The following DNER variants were observed in gnomAD, a reference collection of about 807,000 sequenced individuals.
DNER encodes delta/notch like EGF repeat containing.
A neutral mutation model predicts 78.2 loss-of-function variants in DNER; 33 were observed. That is an observed-to-expected ratio of 0.42 (90% confidence interval 0.32 to 0.56). The LOEUF (loss-of-function observed/expected upper bound fraction) is 0.56, where lower values mean the gene tolerates loss of function less well. Ranked by LOEUF, DNER falls within the 20% of genes least tolerant of loss-of-function variation. The pLI is 0.11. For synonymous variants in DNER, 417 were observed against 384.8 expected (o/e 1.08, Z -0.98); for missense variants, 918 against 975.3 (o/e 0.94, Z 0.78).
chr2:229,379,250 A>G (rs1445773911), intron 11 of DNER, among the ~76,000 whole-genome samples: 7 of 152,322 alleles, frequency 4.6e-5, no homozygotes, highest in Middle Eastern at 3.4e-3. Context: ...CAGAAAAAAT[A>G]AAAGAAAGAT....
At chr2:229,535,318 T>C (rs1211626585) in intron 5 of DNER, among the ~76,000 whole-genome samples, 2 of 152,126 alleles carry the variant, frequency 1.3e-5, no homozygotes, top group South Asian at 4.1e-4. Flanking sequence ...CGACTAACAG[T>C]ACCCAGTAGA....
In DNER at chr2:229,702,982, GA is replaced by G. The variant is rs1181660107; in HGVS notation, c.276+11165del. Among the ~76,000 whole-genome samples the G allele has an allele frequency of 6.6e-5, 10 of 151,774 alleles. No individual in the cohort carries two copies. The East Asian group carries it at 1.7e-3, about 26-fold the overall frequency. ...TGTAAAATTCTACCCTGTTTTGGAG[GA>G]TTCTTGTCATCTCAATATGTGCCTG... On this transcript the variant is annotated intron_variant, in intron 1 of 12. Transcript: ENST00000341772.
intron 9 of DNER, among the ~76,000 whole-genome samples, chr2:229,409,346 C>CA (rs138039470): frequency 0.032 from 4,867 of 152,278 alleles, 154 homozygotes; most frequent in East Asian, 0.16. Context: ...ATACGGCCAC[C>CA]ACCAAAGTTC....
At chr2:229,467,719 G>A (rs1332872013) in intron 7 of DNER, among the ~76,000 whole-genome samples, 5 of 152,128 alleles carry the variant, frequency 3.3e-5, no homozygotes, top group Non-Finnish European at 5.9e-5. Flanking sequence ...CTATCGTAAA[G>A]GATCTTTGTT....
intron 1 of DNER, among the ~76,000 whole-genome samples, chr2:229,708,011 A>G (rs2063630307): frequency 6.6e-6 from 1 of 152,176 alleles, no homozygotes; most frequent in South Asian, 2.1e-4. Flanking sequence ...TCACTTACCC[A>G]AGGACACCCA....
At chr2:229,459,854 C>A (rs1249728396) in intron 7 of DNER, among the ~76,000 whole-genome samples, 2 of 151,684 alleles carry the variant, frequency 1.3e-5, no homozygotes, top group South Asian at 2.1e-4. Flanking sequence ...TAGTAAAACT[C>A]CATCTCAAAA....
intron 1 of DNER, among the ~76,000 whole-genome samples, chr2:229,644,497 C>A (rs1198060116): frequency 6.6e-6 from 1 of 152,062 alleles, no homozygotes; most frequent in Non-Finnish European, 1.5e-5. Context: ...AAGGCACCTA[C>A]CACCACGCCA....
chr2:229,595,093 G>T (rs994673488), intron 1 of DNER, among the ~76,000 whole-genome samples: 6 of 151,666 alleles, frequency 4.0e-5, no homozygotes, highest in Admixed American at 2.6e-4. Flanking sequence ...AGTCCTACCT[G>T]CTATTCACAA....
intron 6 of DNER, among the ~76,000 whole-genome samples, chr2:229,478,009 C>A (rs1695072772): frequency 6.6e-6 from 1 of 152,042 alleles, no homozygotes; most frequent in South Asian, 2.1e-4. Context: ...ATTTTGAAAA[C>A]AAAGCCCCTG....
chr2:229,606,711 G>A (rs11891909), intron 1 of DNER, among the ~76,000 whole-genome samples: 94,003 of 151,826 alleles, frequency 0.62, 29,191 homozygotes, highest in African/African-American at 0.66. Context: ...TGACCAACAT[G>A]GTGAAACCCT....
At chr2:229,433,734 G>A (rs1694064571) in intron 8 of DNER, among the ~76,000 whole-genome samples, 1 of 152,256 alleles carries the variant, frequency 6.6e-6, no homozygotes, top group South Asian at 2.1e-4. Flanking sequence ...CCAAGATTAA[G>A]ATTTTGAGTA....
At chr2:229,407,124 G>A in intron 10 of DNER, 108 bp downstream of exon 10, 1 of 940,314 alleles carries the variant, frequency 1.1e-6, no homozygotes, top group Non-Finnish European at 1.7e-6. Flanking sequence ...TTGTAATGGT[G>A]TTTATATTTT....
chr2:229,581,551 A>T (rs1697397344), intron 4 of DNER, among the ~76,000 whole-genome samples: 1 of 152,258 alleles, frequency 6.6e-6, no homozygotes, highest in Non-Finnish European at 1.5e-5. Flanking sequence ...AGCAGGAAAG[A>T]AGTTGAGGCA....
At chr2:229,672,158 C>T (rs1244398906) in intron 1 of DNER, among the ~76,000 whole-genome samples, 1 of 152,176 alleles carries the variant, frequency 6.6e-6, no homozygotes, top group Admixed American at 6.5e-5. Context: ...GCAGGAATAG[C>T]TCATCTCTCC....
intron 5 of DNER, among the ~76,000 whole-genome samples, chr2:229,526,502 C>T (rs1696211302): frequency 6.6e-6 from 1 of 152,148 alleles, no homozygotes; most frequent in South Asian, 2.1e-4. Context: ...TCGCGGAAGA[C>T]AATTTTTCCC....
chr2:229,700,146 C>A (rs1360646224), intron 1 of DNER, among the ~76,000 whole-genome samples: 1 of 151,922 alleles, frequency 6.6e-6, no homozygotes, highest in Non-Finnish European at 1.5e-5. Flanking sequence ...TTTTACCTAT[C>A]AGTTAACACA....
chr2:229,430,341 T>C (rs1693977565), intron 8 of DNER, among the ~76,000 whole-genome samples: 1 of 152,264 alleles, frequency 6.6e-6, no homozygotes, highest in East Asian at 1.9e-4. Flanking sequence ...CTTGATTGGA[T>C]TGAAGGATAC....
intron 1 of DNER, among the ~76,000 whole-genome samples, chr2:229,702,625 A>G (rs1699764070): frequency 6.6e-6 from 1 of 151,884 alleles, no homozygotes; most frequent in African/African-American, 2.4e-5. Context: ...CAGGTTAAGA[A>G]TCCTGGTTCT....
At position 229,646,136 on chromosome 2, in the gene DNER, C is replaced by G. The variant is rs558942881; in HGVS notation, c.277-54248G>C. 2.0e-5 allele frequency among the ~76,000 whole-genome samples: 3 copies of G among 152,302 alleles called. No homozygotes were observed. In the South Asian group the frequency reaches 6.2e-4, roughly 32 times the overall value. ...CTCCTTTCCATGCCTTCTATGAAAG[C>G]TGCACCAAGTAAATAAAACCAGAGG... is the stretch of plus-strand genomic sequence containing the variant. On this transcript the variant is annotated intron_variant, in intron 1 of 12. Coordinates refer to ENST00000341772, the MANE Select transcript of DNER (RefSeq NM_139072.4).
Sources: allele counts gnomAD v4.1 joint callset (sites outside exome capture counted in the v4.1 genomes callset), GRCh38; gene constraint gnomAD v4.1.1; transcripts MANE v1.5; gene names NCBI Gene and HGNC (gene_info 2026-07-23, HGNC 2026-07-21).